The following GRM7 variants were observed in gnomAD, a reference collection of about 807,000 sequenced individuals.
GRM7 encodes metabotropic glutamate receptor 7.
A neutral mutation model predicts 84.5 loss-of-function variants in GRM7; 35 were observed. The ratio of observed to expected loss-of-function variants is 0.41; its 90% CI spans 0.32 to 0.55. GRM7 has a LOEUF of 0.55. Ranked by LOEUF, GRM7 falls within the 20% of genes least tolerant of loss-of-function variation. The pLI is 0.19. For missense variants in GRM7, 1,003 were observed against 1,194.6 expected (o/e 0.84, Z 2.36); for synonymous variants, 487 against 455.1 (o/e 1.07, Z -0.89).
At chr3:6,908,262 C>G (rs1696648922) in intron 1 of GRM7, among the ~76,000 whole-genome samples, 1 of 152,190 alleles carries the variant, frequency 6.6e-6, no homozygotes, top group Non-Finnish European at 1.5e-5. Flanking sequence ...GTTTCCAAGA[C>G]AACAATCTGC....
chr3:7,246,976 ATTCACCACAGTAG>A (rs1697786762), intron 2 of GRM7, among the ~76,000 whole-genome samples: 1 of 152,172 alleles, frequency 6.6e-6, no homozygotes, highest in Non-Finnish European at 1.5e-5. Flanking sequence ...AAAAAGATTA[ATTCACCACAGTAG>A]AATTCAGAAA....
At chr3:6,976,918 C>T (rs193122297) in intron 1 of GRM7, among the ~76,000 whole-genome samples, 2 of 152,242 alleles carry the variant, frequency 1.3e-5, no homozygotes, top group East Asian at 3.9e-4. Context: ...TAGTTCTACC[C>T]CATTGTTGCT....
chr3:7,195,964 C>T (rs953037966), intron 2 of GRM7, among the ~76,000 whole-genome samples: 2 of 152,110 alleles, frequency 1.3e-5, no homozygotes, highest in Admixed American at 6.6e-5. Flanking sequence ...GATAAATATA[C>T]AGGTATACTT....
intron 4 of GRM7, among the ~76,000 whole-genome samples, chr3:7,360,203 G>A (rs1402384054): frequency 6.9e-6 from 1 of 145,284 alleles, no homozygotes; most frequent in Non-Finnish European, 1.5e-5. Flanking sequence ...AGAGAATAAT[G>A]ACTAAATGGG....
intron 1 of GRM7, among the ~76,000 whole-genome samples, chr3:6,953,458 G>T (rs571640689): frequency 1.3e-5 from 2 of 152,230 alleles, no homozygotes; most frequent in African/African-American, 2.4e-5. Context: ...CAAACATAAA[G>T]AACTCTTTGG....
intron 9 of GRM7, among the ~76,000 whole-genome samples, chr3:7,684,075 C>T (rs973192841): frequency 2.6e-5 from 4 of 151,988 alleles, no homozygotes; most frequent in African/African-American, 9.7e-5. Flanking sequence ...CGCAGCAATG[C>T]AAAAATGCAT....
rs1695677001 is a variant in GRM7 at position 7,190,568 on chromosome 3, G to T, written c.736+43900G>T. Among the ~76,000 whole-genome samples, 3 of 152,108 alleles carry T rather than the reference G, an allele frequency of 2.0e-5. No homozygotes were observed. In the South Asian group the frequency reaches 6.2e-4, roughly 32 times the overall value. On this transcript the variant is annotated intron_variant, in intron 2 of 9. Transcript: ENST00000357716. ...TTCTTTAGCTTTATTCTGTCAAGTT[G>T]TTCAACTCCTACTAACGAGGTGCTT...
chr3:7,022,053 G>A lies in GRM7; in HGVS notation c.520-124399G>A, dbSNP rs773317815. 8.5e-5 allele frequency among the ~76,000 whole-genome samples: 13 copies of A among 152,222 alleles called. No homozygotes were observed. The South Asian group carries it at 1.7e-3, about 19-fold the overall frequency. ...AAAAATATATGCACTCTAGGCCGGG[G>A]ACAGGGGTTCACACCTATAATCCCA... On this transcript the variant is annotated intron_variant, in intron 1 of 9. Transcript: ENST00000357716.
chr3:7,314,374 A>G (rs920648912), intron 4 of GRM7, among the ~76,000 whole-genome samples: 9 of 150,372 alleles, frequency 6.0e-5, no homozygotes, highest in Admixed American at 2.0e-4. Context: ...TAGCATCTCT[A>G]TATATTGCAA....
chr3:7,227,985 A>T (rs1236804860), intron 2 of GRM7, among the ~76,000 whole-genome samples: 2 of 152,108 alleles, frequency 1.3e-5, no homozygotes, highest in Non-Finnish European at 2.9e-5. Context: ...TCATTCAGGT[A>T]CTCTTCTCTC....
intron 8 of GRM7, among the ~76,000 whole-genome samples, chr3:7,677,253 C>A: frequency 9.0e-6 from 1 of 111,032 alleles, no homozygotes. Flanking sequence ...TAGAGGGAGA[C>A]TCTGTCTTTA....
At chr3:7,391,467 C>T (rs1415391561) in intron 4 of GRM7, among the ~76,000 whole-genome samples, 7 of 152,058 alleles carry the variant, frequency 4.6e-5, no homozygotes, top group Non-Finnish European at 7.3e-5. Context: ...GGACAGAAAA[C>T]CAAACACTGC....
chr3:7,554,751 C>G (rs1295650710), intron 7 of GRM7, among the ~76,000 whole-genome samples: 1 of 152,176 alleles, frequency 6.6e-6, no homozygotes, highest in African/African-American at 2.4e-5. Flanking sequence ...GGGCCTCCTC[C>G]CTTCTCTATA....
At chr3:7,066,654 C>T (rs1019505346) in intron 1 of GRM7, among the ~76,000 whole-genome samples, 21 of 151,820 alleles carry the variant, frequency 1.4e-4, no homozygotes, top group Admixed American at 6.6e-5. Context: ...AAAGAAGGAA[C>T]TCTCCCTAAT....
At chr3:7,682,446 A>G (rs1176072005) in intron 9 of GRM7, 1 of 151,618 alleles carries the variant, frequency 6.6e-6, no homozygotes, top group Non-Finnish European at 1.5e-5. Context: ...ATGTATATTT[A>G]TAATTAGTGG....
intron 4 of GRM7, among the ~76,000 whole-genome samples, chr3:7,331,727 T>A (rs1259695506): frequency 1.3e-5 from 2 of 152,138 alleles, no homozygotes; most frequent in Non-Finnish European, 2.9e-5. Context: ...GCTTAATACT[T>A]GTTGTATGGC....
At chr3:7,446,545 C>G (rs1240678276) in intron 5 of GRM7, among the ~76,000 whole-genome samples, 1 of 148,950 alleles carries the variant, frequency 6.7e-6, no homozygotes, top group Non-Finnish European at 1.5e-5. Context: ...ACTGCAGCCT[C>G]TACCTCCTGG....
At chr3:7,211,341 C>T (rs1046462281) in intron 2 of GRM7, among the ~76,000 whole-genome samples, 1 of 152,190 alleles carries the variant, frequency 6.6e-6, no homozygotes, top group Non-Finnish European at 1.5e-5. Flanking sequence ...AGATTTCTTA[C>T]AGGTAAGACA....
intron 8 of GRM7, among the ~76,000 whole-genome samples, chr3:7,579,621 C>T (rs1695148716): frequency 2.0e-5 from 3 of 152,264 alleles, no homozygotes; most frequent in African/African-American, 7.2e-5. Flanking sequence ...GAGAGATTAT[C>T]TAGCATAAAA....
Sources: allele counts gnomAD v4.1 joint callset (sites outside exome capture counted in the v4.1 genomes callset), GRCh38; gene constraint gnomAD v4.1.1; transcripts MANE v1.5; gene names NCBI Gene and HGNC (gene_info 2026-07-23, HGNC 2026-07-21).